The following IRF2 variants were observed in gnomAD, a reference collection of about 807,000 sequenced individuals.
IRF2 encodes the protein interferon regulatory factor 2.
IRF2 carries 15 observed loss-of-function variants against 40.6 expected under a neutral mutation model. The observed-to-expected ratio is 0.37, with a 90% CI of 0.25 to 0.57. The LOEUF is 0.57. Ranked by LOEUF, IRF2 falls within the 20% of genes least tolerant of loss-of-function variation. The pLI is 0.77. For synonymous variants in IRF2, 151 were observed against 165.5 expected (o/e 0.91, Z 0.67); for missense variants, 317 against 455.7 (o/e 0.70, Z 2.77).
At chr4:184,423,493 G>A (rs765812068) in intron 2 of IRF2, among the ~76,000 whole-genome samples, 1 of 152,096 alleles carries the variant, frequency 6.6e-6, no homozygotes, top group Non-Finnish European at 1.5e-5. Context: ...TTTTTGTCTG[G>A]ACTCCTTACC....
intron 1 of IRF2, among the ~76,000 whole-genome samples, chr4:184,460,468 A>G (rs1739094476): frequency 6.6e-6 from 1 of 152,206 alleles, no homozygotes; most frequent in South Asian, 2.1e-4. Context: ...TGTAATGGTA[A>G]ATTTTGTTTT....
chr4:184,397,027 T>C (rs1307947107), intron 7 of IRF2, among the ~76,000 whole-genome samples: 2 of 152,144 alleles, frequency 1.3e-5, no homozygotes, highest in African/African-American at 4.8e-5. Context: ...TTGCAAAACA[T>C]AGTAGTTCTT....
At chr4:184,469,243 C>T (rs933235326) in intron 1 of IRF2, among the ~76,000 whole-genome samples, 7 of 152,174 alleles carry the variant, frequency 4.6e-5, no homozygotes, top group Non-Finnish European at 8.8e-5. Flanking sequence ...GTTTCTCTCA[C>T]ACGGAGCCGG....
At chr4:184,442,999 C>CACT (rs202125382) in intron 1 of IRF2, among the ~76,000 whole-genome samples, 4,830 of 152,144 alleles carry the variant, frequency 0.032, 242 homozygotes, top group African/African-American at 0.1. Context: ...GATCTCTGCT[C>CACT]ACTGCACCCT....
intron 2 of IRF2, among the ~76,000 whole-genome samples, chr4:184,424,234 A>G (rs745497508): frequency 7.2e-5 from 11 of 152,208 alleles, no homozygotes; most frequent in Non-Finnish European, 4.4e-5. Context: ...GGTCTCATTC[A>G]TGAGCTGGTT....
At chr4:184,399,618 A>AT (rs1319477159) in intron 6 of IRF2, among the ~76,000 whole-genome samples, 1 of 152,264 alleles carries the variant, frequency 6.6e-6, no homozygotes, top group Non-Finnish European at 1.5e-5. Flanking sequence ...TTGTATGAAC[A>AT]TAAGTTTCCA....
At chr4:184,434,465 G>A (rs1738007717) in intron 1 of IRF2, among the ~76,000 whole-genome samples, 1 of 152,092 alleles carries the variant, frequency 6.6e-6, no homozygotes, top group Admixed American at 6.5e-5. Flanking sequence ...GAAGTAAAAT[G>A]CTAAAATTTT....
intron 1 of IRF2, among the ~76,000 whole-genome samples, chr4:184,470,689 CAA>C (rs70959201): frequency 0.17 from 3,798 of 22,002 alleles, 70 homozygotes; most frequent in Non-Finnish European, 0.31. Flanking sequence ...GACTCTGCCT[CAA>C]AAAAAAAAAA....
At chr4:184,394,254 G>C (rs1736365277) in intron 7 of IRF2, among the ~76,000 whole-genome samples, 1 of 152,136 alleles carries the variant, frequency 6.6e-6, no homozygotes, top group Non-Finnish European at 1.5e-5. Flanking sequence ...GATCTCAAAA[G>C]CTCTTCCAGT....
intron 1 of IRF2, among the ~76,000 whole-genome samples, chr4:184,470,169 T>G (rs930036995): frequency 2.6e-5 from 4 of 152,192 alleles, no homozygotes; most frequent in African/African-American, 7.2e-5. Flanking sequence ...CTCCTACCCC[T>G]GTGCAGGAAG....
Position 184,418,688 on chromosome 4 carries a change from C to G in IRF2, c.208G>C (p.Asp70His), listed in dbSNP as rs2149900140. 1 of 1,613,836 alleles carries G rather than the reference C, an allele frequency of 6.2e-7. No individual in the cohort carries two copies. The highest frequency in any genetic ancestry group is 2.2e-5 in the East Asian group (1 of 44,880). Residue 70 changes from aspartate (D) to histidine (H), a missense_variant, in exon 4 of 9, where the codon GAT (aspartate) becomes CAT (histidine). Transcript: ENST00000393593. Reference protein sequence around the residue: ...IHTGKHQPGVDKPDPKTWKAN... With the variant: ...IHTGKHQPGVHKPDPKTWKAN... ...TTCCATGTTTTGGGATCAGGTTTAT[C>G]TACTCCTGGTTGATGCTTTCCTAAC... is the stretch of plus-strand genomic sequence containing the variant.
At position 184,418,616 on chromosome 4, in the gene IRF2, C is replaced by T; in HGVS notation, c.280G>A (p.Val94Ile). ...CCTTTCTTTATGCTTTTATCCTTGACTTCTTCAATATCAGGCAAGGAATTC... is the reference window on the plus strand; with the variant it reads ...CCTTTCTTTATGCTTTTATCCTTGATTTCTTCAATATCAGGCAAGGAATTC... Reference protein sequence around the residue: ...AMNSLPDIEEVKDKSIKKGNN... With the variant: ...AMNSLPDIEEIKDKSIKKGNN... The change falls in exon 4 of 9, where the codon GTC becomes ATC. Residue 94 changes from valine to isoleucine, a missense_variant. Around this residue, in one of 2 missense-constraint regions of IRF2, gnomAD observed 262 missense variants for 334.0 expected, o/e 0.78. Transcript: ENST00000393593. 2 of 1,614,164 alleles carry T rather than the reference C, an allele frequency of 1.2e-6. No individual in the cohort carries two copies. Among genetic ancestry groups the T allele is most frequent in the Non-Finnish European group, 1.7e-6 (2 of 1,180,004 alleles).
At chr4:184,394,277 C>T (rs1203746512) in intron 7 of IRF2, among the ~76,000 whole-genome samples, 1 of 152,150 alleles carries the variant, frequency 6.6e-6, no homozygotes, top group African/African-American at 2.4e-5. Flanking sequence ...TAGGGTGACA[C>T]TGGTTGTAGG....
intron 5 of IRF2, among the ~76,000 whole-genome samples, chr4:184,416,690 T>A (rs1281900170): frequency 6.6e-6 from 1 of 152,086 alleles, no homozygotes; most frequent in Non-Finnish European, 1.5e-5. Flanking sequence ...GAAGAAATGC[T>A]ATGAGGTTTG....
At chr4:184,432,129 G>T (rs1164718126) in intron 1 of IRF2, 1 of 151,910 alleles carries the variant, frequency 6.6e-6, no homozygotes, top group African/African-American at 2.4e-5. Flanking sequence ...TAAAGCCTGT[G>T]TGTGAAGACA....
chr4:184,429,112 A>C (rs60641093), intron 1 of IRF2, 42 bp from the exon 2 acceptor site: 2 of 1,409,744 alleles, frequency 1.4e-6, no homozygotes, highest in South Asian at 2.3e-5. Flanking sequence ...GGTGCCACTC[A>C]GTGTGGTGTC....
At chr4:184,442,818 GC>G (rs1738360964) in intron 1 of IRF2, among the ~76,000 whole-genome samples, 1 of 139,872 alleles carries the variant, frequency 7.1e-6, no homozygotes, top group Admixed American at 8.1e-5. Context: ...AAATCTCTCA[GC>G]CCTGTTTGTT....
At chr4:184,440,514 G>C (rs934138304) in intron 1 of IRF2, among the ~76,000 whole-genome samples, 1 of 152,202 alleles carries the variant, frequency 6.6e-6, no homozygotes, top group Non-Finnish European at 1.5e-5. Flanking sequence ...CACTACAAAC[G>C]GGCCTTCATG....
chr4:184,396,465 G>C (rs993843456), intron 7 of IRF2, among the ~76,000 whole-genome samples: 2 of 145,458 alleles, frequency 1.4e-5, no homozygotes, highest in African/African-American at 5.1e-5. Context: ...ACAGGATCTC[G>C]CTCTGTCACC....
Sources: allele counts gnomAD v4.1 joint callset (sites outside exome capture counted in the v4.1 genomes callset), GRCh38; gene constraint gnomAD v4.1.1; regional missense constraint gnomAD v4.1.1; transcripts MANE v1.5; gene names NCBI Gene and HGNC (gene_info 2026-07-23, HGNC 2026-07-21).